Variants in EDIL3 observed in about 807,000 individuals in gnomAD.
EDIL3 encodes EGF-like repeat and discoidin I-like domain-containing protein 3.
In EDIL3, 37 loss-of-function variants were observed where a neutral mutation model predicts 67.4. The ratio of observed to expected loss-of-function variants is 0.55; its 90% CI spans 0.42 to 0.72. The LOEUF is 0.72. Ranked by LOEUF, EDIL3 falls within the 30% of genes least tolerant of loss-of-function variation. The pLI is 0.00. For synonymous variants in EDIL3, 195 were observed against 196.3 expected, an observed-to-expected ratio of 0.99 and a Z score of 0.05; for missense variants, 527 against 586.3, an observed-to-expected ratio of 0.90 and a Z score of 1.04.
intron 3 of EDIL3, among the ~76,000 whole-genome samples, chr5:84,204,853 T>C (rs1466149223): frequency 1.3e-5 from 2 of 151,956 alleles, no homozygotes; most frequent in Admixed American, 6.6e-5. Flanking sequence ...AAATGCTGCT[T>C]TTTTATAATT....
At chr5:84,280,088 A>C (rs534459135) in intron 1 of EDIL3, among the ~76,000 whole-genome samples, 1 of 152,216 alleles carries the variant, frequency 6.6e-6, no homozygotes, top group African/African-American at 2.4e-5. Context: ...ATGGCTGAGT[A>C]AGAGAGGCAA....
chr5:84,049,881 C>T (rs1284086642), intron 9 of EDIL3, among the ~76,000 whole-genome samples: 1 of 152,006 alleles, frequency 6.6e-6, no homozygotes, highest in East Asian at 1.9e-4. Flanking sequence ...AGAAAGCTAA[C>T]CAATTAGGTA....
At chr5:84,328,209 T>C (rs1351790946) in intron 1 of EDIL3, among the ~76,000 whole-genome samples, 2 of 152,060 alleles carry the variant, frequency 1.3e-5, no homozygotes, top group Non-Finnish European at 2.9e-5. Context: ...TTGTCCACAA[T>C]CCTATTCTAT....
chr5:83,987,553 T>C (rs1745075686), intron 9 of EDIL3, among the ~76,000 whole-genome samples: 1 of 152,130 alleles, frequency 6.6e-6, no homozygotes, highest in Non-Finnish European at 1.5e-5. Context: ...TGCTAGAAAA[T>C]GCAGCTGCTA....
chr5:84,020,438 T>C (rs1745694292), intron 9 of EDIL3, among the ~76,000 whole-genome samples: 1 of 152,082 alleles, frequency 6.6e-6, no homozygotes, highest in Non-Finnish European at 1.5e-5. Context: ...ATGGCAGCTG[T>C]TGAGATGAGT....
intron 9 of EDIL3, among the ~76,000 whole-genome samples, chr5:83,969,515 T>C (rs1744754475): frequency 1.3e-5 from 2 of 151,878 alleles, no homozygotes; most frequent in African/African-American, 4.8e-5. Context: ...AATCCCTTGT[T>C]GATGTTCATT....
Position 84,228,102 on chromosome 5 carries a change from A to G in EDIL3, c.226+1753T>C, listed in dbSNP as rs193162160. On this transcript the variant is annotated intron_variant, in intron 3 of 10. Coordinates refer to ENST00000296591, the MANE Select transcript of EDIL3 (RefSeq NM_005711.5). ...TATTTTATACTTACATTACATTTCA[A>G]TTTGGAATAGTGGAGTGTTCAATAG... is the stretch of plus-strand genomic sequence containing the variant. Among the ~76,000 whole-genome samples the G allele has an allele frequency of 6.6e-5, 10 of 152,170 alleles. No individual in the cohort carries two copies. In the East Asian group the frequency reaches 9.7e-4, roughly 15 times the overall value.
chr5:84,185,190 A>G (rs1274518003), intron 3 of EDIL3, among the ~76,000 whole-genome samples: 1 of 152,182 alleles, frequency 6.6e-6, no homozygotes, highest in Admixed American at 6.5e-5. Context: ...CTTTCCATTA[A>G]GCCACATTTC....
At chr5:84,236,040 T>C (rs2112051045) in intron 2 of EDIL3, among the ~76,000 whole-genome samples, 1 of 152,174 alleles carries the variant, frequency 6.6e-6, no homozygotes. Flanking sequence ...ATAGTTTACA[T>C]GGGTTTTACA....
rs916582632 is a variant in EDIL3 at position 84,152,094 on chromosome 5, A to T, written c.356-14740T>A. Among the ~76,000 whole-genome samples the T allele has an allele frequency of 1.3e-4, 20 of 151,724 alleles. No individual in the cohort carries two copies. In the East Asian group the frequency reaches 3.7e-3, roughly 28 times the overall value. On this transcript the variant is annotated intron_variant, in intron 4 of 10. Transcript: ENST00000296591. ...GCCACCATGCCCAGCTAATTTTTGTATTCTTAGTAGAGGCGGGGTTTCACC... is the reference window on the plus strand; with the variant it reads ...GCCACCATGCCCAGCTAATTTTTGTTTTCTTAGTAGAGGCGGGGTTTCACC...
At chr5:84,236,613 A>C (rs565135062) in intron 2 of EDIL3, among the ~76,000 whole-genome samples, 68 of 152,204 alleles carry the variant, frequency 4.5e-4, no homozygotes, top group African/African-American at 1.4e-3. Flanking sequence ...AGAATGGTAC[A>C]TAATATTTTC....
At chr5:84,176,335 C>T (rs1377197840) in intron 4 of EDIL3, among the ~76,000 whole-genome samples, 1 of 78,298 alleles carries the variant, frequency 1.3e-5, no homozygotes, top group Non-Finnish European at 2.5e-5. Context: ...ATTAGGGAGC[C>T]TTTTATCTTG....
At chr5:84,145,235 C>T (rs1449843677) in intron 4 of EDIL3, among the ~76,000 whole-genome samples, 1 of 152,014 alleles carries the variant, frequency 6.6e-6, no homozygotes, top group East Asian at 1.9e-4. Flanking sequence ...AGATTGCTTG[C>T]AGGAGGTAAT....
chr5:84,303,666 A>G (rs1746205170), intron 1 of EDIL3, among the ~76,000 whole-genome samples: 1 of 152,204 alleles, frequency 6.6e-6, no homozygotes, highest in Non-Finnish European at 1.5e-5. Flanking sequence ...TTTAATTTCA[A>G]AAGTTAATAG....
intron 9 of EDIL3, among the ~76,000 whole-genome samples, chr5:84,022,484 G>T (rs1374400277): frequency 6.6e-6 from 1 of 151,872 alleles, no homozygotes; most frequent in Non-Finnish European, 1.5e-5. Flanking sequence ...AAAACTAAAA[G>T]ACTCTACCAA....
chr5:84,093,913 C>A (rs1747213521), intron 6 of EDIL3, among the ~76,000 whole-genome samples: 1 of 152,160 alleles, frequency 6.6e-6, no homozygotes, highest in South Asian at 2.1e-4. Context: ...CTGCCTCAGC[C>A]TCCCAAATTG....
At chr5:84,074,393 C>T (rs1243895389) in intron 6 of EDIL3, among the ~76,000 whole-genome samples, 1 of 152,170 alleles carries the variant, frequency 6.6e-6, no homozygotes, top group Non-Finnish European at 1.5e-5. Context: ...AAAGAAACTA[C>T]CATCAGAGTG....
chr5:83,975,355 A>T (rs1744860784), intron 9 of EDIL3, among the ~76,000 whole-genome samples: 1 of 152,016 alleles, frequency 6.6e-6, no homozygotes, highest in East Asian at 1.9e-4. Context: ...TTCTATTACT[A>T]TAAAATAGCT....
At chr5:84,375,273 G>A (rs943312684) in intron 1 of EDIL3, among the ~76,000 whole-genome samples, 2 of 152,006 alleles carry the variant, frequency 1.3e-5, no homozygotes, top group South Asian at 2.1e-4. Context: ...CCCAGCCTTC[G>A]AGTATTTCTT....
Sources: allele counts gnomAD v4.1 joint callset (sites outside exome capture counted in the v4.1 genomes callset), GRCh38; gene constraint gnomAD v4.1.1; transcripts MANE v1.5; gene names NCBI Gene and HGNC (gene_info 2026-07-23, HGNC 2026-07-21).